Variants in RMST observed in about 807,000 individuals in gnomAD.
RMST encodes rhabdomyosarcoma 2 associated transcript, also known as long intergenic non-protein coding RNA 54.
chr12:97,512,839 G>A (rs1024427943), intron 10 of RMST, among the ~76,000 whole-genome samples: 3 of 151,834 alleles, frequency 2.0e-5, no homozygotes, highest in Non-Finnish European at 4.4e-5. Context: ...AGCAGGGGGC[G>A]GCGTGTCGGG....
rs996697828 is a variant in RMST at position 97,527,458 on chromosome 12, G to A, written n.1341-3197G>A. On this transcript the variant is annotated intron_variant and non_coding_transcript_variant, in intron 10 of 13. Transcript: ENST00000640149. Reference sequence around the variant, plus strand: ...AAGAACAGCCTTAGGTGACTGCTCCGAGTTGGACTTTGTGGCCACAGGGAG... The same window carrying A: ...AAGAACAGCCTTAGGTGACTGCTCCAAGTTGGACTTTGTGGCCACAGGGAG... Among the ~76,000 whole-genome samples the A allele has an allele frequency of 3.9e-5, 6 of 152,254 alleles. No homozygotes were observed. In the East Asian group the frequency reaches 9.7e-4, roughly 25 times the overall value.
chr12:97,470,624 A>T (rs544515038), intron 5 of RMST, among the ~76,000 whole-genome samples: 7 of 152,064 alleles, frequency 4.6e-5, no homozygotes, highest in African/African-American at 9.7e-5. Flanking sequence ...ATAGATTGTC[A>T]CTTTTATCTA....
rs192070423 is a variant in RMST at position 97,488,554 on chromosome 12, C to A, written n.645-3907C>A. Among the ~76,000 whole-genome samples, 218 of 152,308 alleles carry A rather than the reference C, an allele frequency of 1.4e-3. 3 individuals carry two copies. The highest frequency in any genetic ancestry group is 3.5e-4 in the Non-Finnish European group (24 of 68,022). On this transcript the variant is annotated intron_variant and non_coding_transcript_variant, in intron 5 of 13. Coordinates refer to ENST00000640149, the Ensembl canonical transcript of RMST. The stretch of plus-strand genomic sequence containing the variant: ...AATGAGGCAAAAGTGTCTCTCTTCA[C>A]TGCTAGCTCCTTGGGGACCAGCAAG...
At chr12:97,525,492 T>C (rs1360303693) in intron 10 of RMST, among the ~76,000 whole-genome samples, 1 of 152,120 alleles carries the variant, frequency 6.6e-6, no homozygotes, top group Non-Finnish European at 1.5e-5. Flanking sequence ...TGTTCCTGGT[T>C]TAAAAGGAGA....
intron 5 of RMST, among the ~76,000 whole-genome samples, chr12:97,485,718 A>G (rs532216432): frequency 6.6e-6 from 1 of 152,254 alleles, no homozygotes; most frequent in South Asian, 2.1e-4. Flanking sequence ...TCAAAGCCAC[A>G]TAGCTAATAA....
intron 10 of RMST, among the ~76,000 whole-genome samples, chr12:97,503,843 G>T (rs553570018): frequency 3.9e-5 from 6 of 152,112 alleles, no homozygotes; most frequent in South Asian, 2.1e-4. Flanking sequence ...AATGACTAAT[G>T]CATCTTAAGA....
chr12:97,543,851 A>G (rs1222457016), intron 11 of RMST, among the ~76,000 whole-genome samples: 1 of 151,978 alleles, frequency 6.6e-6, no homozygotes, highest in Non-Finnish European at 1.5e-5. Context: ...AAAATAAGTC[A>G]TCTCAGGAAT....
At chr12:97,496,027 C>T (rs1877371800) in exon 10 of RMST, 1 of 152,096 alleles carries the variant, frequency 6.6e-6, no homozygotes, top group Non-Finnish European at 1.5e-5. Context: ...TTTGAAAGCC[C>T]AGCCCATTTC....
At chr12:97,466,665 A>G (rs547232381) in intron 5 of RMST, among the ~76,000 whole-genome samples, 44 of 152,092 alleles carry the variant, frequency 2.9e-4, no homozygotes, top group Non-Finnish European at 5.1e-4. Context: ...TTAAGGTGTA[A>G]TAGAAATTGA....
chr12:97,491,209 C>T (rs1241482768), intron 5 of RMST, among the ~76,000 whole-genome samples: 1 of 152,152 alleles, frequency 6.6e-6, no homozygotes, highest in Non-Finnish European at 1.5e-5. Context: ...AACTCTGCAG[C>T]TCACCTATGG....
chr12:97,463,339 G>C (rs959075786), intron 4 of RMST: 1 of 152,208 alleles, frequency 6.6e-6, no homozygotes. Context: ...CTTTGTGTCT[G>C]CAACATTGGG....
intron 11 of RMST, among the ~76,000 whole-genome samples, chr12:97,559,253 T>TA (rs1883939116): frequency 1.3e-5 from 2 of 152,294 alleles, no homozygotes; most frequent in South Asian, 4.1e-4. Flanking sequence ...CAAAATTGTA[T>TA]AAACAAACAG....
intron 5 of RMST, among the ~76,000 whole-genome samples, chr12:97,481,726 T>C (rs574186525): frequency 6.6e-6 from 1 of 152,344 alleles, no homozygotes; most frequent in East Asian, 1.9e-4. Flanking sequence ...GCAAGTGTTT[T>C]ATGAAAATTT....
intron 10 of RMST, among the ~76,000 whole-genome samples, chr12:97,524,026 A>G (rs186565022): frequency 8.2e-4 from 110 of 133,432 alleles, no homozygotes; most frequent in African/African-American, 2.9e-3. Context: ...CAGTGAGCCG[A>G]GATCGCGCCA....
chr12:97,542,859 A>T (rs549379147), intron 11 of RMST, among the ~76,000 whole-genome samples: 3 of 151,962 alleles, frequency 2.0e-5, no homozygotes, highest in African/African-American at 7.2e-5. Context: ...TCTGCAGTGG[A>T]ATGTCTTTTA....
intron 11 of RMST, among the ~76,000 whole-genome samples, chr12:97,536,197 A>C (rs1454333203): frequency 6.6e-6 from 1 of 151,514 alleles, no homozygotes; most frequent in Non-Finnish European, 1.5e-5. Flanking sequence ...ATTGTTTATG[A>C]CAAATGCATT....
intron 11 of RMST, among the ~76,000 whole-genome samples, chr12:97,536,542 G>A (rs773935769): frequency 1.5e-4 from 23 of 151,368 alleles, no homozygotes; most frequent in Non-Finnish European, 3.0e-4. Flanking sequence ...ATATTTATCT[G>A]CAGGGCCTAG....
intron 10 of RMST, among the ~76,000 whole-genome samples, chr12:97,523,831 A>G (rs1311251287): frequency 6.6e-6 from 1 of 152,114 alleles, no homozygotes; most frequent in Non-Finnish European, 1.5e-5. Context: ...CAATCCCAGC[A>G]CTTTGGGAGG....
intron 5 of RMST, among the ~76,000 whole-genome samples, chr12:97,471,528 C>T (rs1873913831): frequency 1.3e-5 from 2 of 152,208 alleles, no homozygotes; most frequent in Middle Eastern, 3.4e-3. Context: ...CGTGAGAGTT[C>T]CAGAAATGAA....
Sources: gnomAD v4.1 joint callset for allele counts (sites outside exome capture counted in the v4.1 genomes callset) on GRCh38, gnomAD v4.1.1 for gene constraint, MANE v1.5 for transcripts, NCBI Gene and HGNC (gene_info 2026-07-23, HGNC 2026-07-21) for gene names.